LYPD6B: variants seen among roughly 807,000 people sequenced by gnomAD.
LYPD6B encodes the protein ly6/PLAUR domain-containing protein 6B.
LYPD6B carries 17 observed loss-of-function variants against 22.8 expected under a neutral mutation model. The observed-to-expected ratio is 0.75, with a 90% confidence interval of 0.51 to 1.12. LYPD6B has a LOEUF of 1.12. Ranked by LOEUF, LYPD6B falls within the 50% of genes most tolerant of loss-of-function variation. The pLI, the probability that LYPD6B is intolerant of heterozygous loss-of-function variation, is 0.00. For synonymous variants in LYPD6B, 106 were observed against 91.6 expected (o/e 1.16, Z -0.90); for missense variants, 221 against 258.3 (o/e 0.86, Z 0.99).
chr2:149,159,261 T>C lies in LYPD6B; in HGVS notation c.6-1503T>C, dbSNP rs928495484. 3.9e-5 allele frequency among the ~76,000 whole-genome samples: 6 copies of C among 152,136 alleles called. 1 individual carries two copies. Among genetic ancestry groups the C allele is most frequent in the Admixed American group, 6.5e-5 (1 of 15,272 alleles). ...GGAAGGTTAACACCTTGGAAGAAAT[T>C]TCTCAATGACACAAAGCTAACACTC... On this transcript the variant is annotated intron_variant, in intron 2 of 6. Transcript: ENST00000409642.
intron 2 of LYPD6B, chr2:149,143,914 G>A (rs1688851223): frequency 6.6e-6 from 1 of 152,204 alleles, no homozygotes; most frequent in Non-Finnish European, 1.5e-5. Context: ...GTTTTTCTAA[G>A]TCTCTCAAGC....
At chr2:149,135,982 G>A (rs1411350142) in intron 2 of LYPD6B, among the ~76,000 whole-genome samples, 3 of 151,914 alleles carry the variant, frequency 2.0e-5, no homozygotes, top group East Asian at 1.9e-4. Context: ...CATAGTCATC[G>A]CTACCTGCTA....
intron 1 of LYPD6B, among the ~76,000 whole-genome samples, chr2:149,073,557 T>C (rs974327542): frequency 6.6e-6 from 1 of 152,096 alleles, no homozygotes; most frequent in African/African-American, 2.4e-5. Flanking sequence ...TGCAGCTGTT[T>C]GGGGCTCTGT....
At chr2:149,163,419 G>A (rs1431631903) in intron 3 of LYPD6B, among the ~76,000 whole-genome samples, 1 of 152,124 alleles carries the variant, frequency 6.6e-6, no homozygotes, top group African/African-American at 2.4e-5. Flanking sequence ...AAAATAGATA[G>A]TACAAGGTAT....
intron 2 of LYPD6B, 142 bp downstream of exon 2, chr2:149,131,095 C>T: frequency 1.6e-6 from 1 of 627,542 alleles, no homozygotes; most frequent in Admixed American, 2.7e-5. Context: ...GATTATGCTG[C>T]TTGTTCATTG....
intron 5 of LYPD6B, among the ~76,000 whole-genome samples, chr2:149,209,582 G>C (rs1693714605): frequency 6.6e-6 from 1 of 152,086 alleles, no homozygotes; most frequent in African/African-American, 2.4e-5. Flanking sequence ...GAATCTTTTG[G>C]AAATTCCAGT....
chr2:149,141,403 G>A (rs1052100443), intron 2 of LYPD6B, among the ~76,000 whole-genome samples: 2 of 152,060 alleles, frequency 1.3e-5, no homozygotes, highest in Non-Finnish European at 2.9e-5. Context: ...TGTATTTTTT[G>A]TATATTTTCT....
intron 1 of LYPD6B, among the ~76,000 whole-genome samples, chr2:149,077,871 C>T (rs1306668857): frequency 6.6e-6 from 1 of 152,194 alleles, no homozygotes; most frequent in Non-Finnish European, 1.5e-5. Flanking sequence ...TGAAAGTGAT[C>T]TGATGTCATT....
At chr2:149,179,446 T>C (rs1234786009) in intron 3 of LYPD6B, among the ~76,000 whole-genome samples, 1 of 152,144 alleles carries the variant, frequency 6.6e-6, no homozygotes, top group Non-Finnish European at 1.5e-5. Flanking sequence ...TTTAAGGAGA[T>C]TTTATATTCC....
At chr2:149,049,714 G>T (rs952278626) in intron 1 of LYPD6B, among the ~76,000 whole-genome samples, 5 of 152,182 alleles carry the variant, frequency 3.3e-5, no homozygotes, top group South Asian at 4.1e-4. Context: ...GACATGCAAG[G>T]TGAGTGTCAA....
At chr2:149,122,201 G>T (rs528942958) in intron 1 of LYPD6B, among the ~76,000 whole-genome samples, 1 of 152,134 alleles carries the variant, frequency 6.6e-6, no homozygotes, top group South Asian at 2.1e-4. Flanking sequence ...GGGAGCTCCC[G>T]AAAGAGCACT....
chr2:149,042,211 T>G (rs1014171319), intron 1 of LYPD6B, among the ~76,000 whole-genome samples: 2 of 152,238 alleles, frequency 1.3e-5, no homozygotes, highest in African/African-American at 4.8e-5. Context: ...AGCGATAACT[T>G]TGGTAGTTGC....
At chr2:149,182,620 A>G (rs1691820304) in intron 3 of LYPD6B, among the ~76,000 whole-genome samples, 1 of 152,226 alleles carries the variant, frequency 6.6e-6, no homozygotes, top group Non-Finnish European at 1.5e-5. Flanking sequence ...ACTGGTTAGA[A>G]TGAGTCCAGC....
chr2:149,115,356 T>C (rs1686951707), intron 1 of LYPD6B, among the ~76,000 whole-genome samples: 1 of 152,244 alleles, frequency 6.6e-6, no homozygotes, highest in Admixed American at 6.5e-5. Context: ...CTTATTGGAA[T>C]GTTTTCATGG....
intron 1 of LYPD6B, among the ~76,000 whole-genome samples, chr2:149,075,158 G>A (rs1165728469): frequency 6.6e-6 from 1 of 152,144 alleles, no homozygotes; most frequent in Admixed American, 6.5e-5. Flanking sequence ...TTAACTTTAT[G>A]CTTTTGATTT....
intron 3 of LYPD6B, among the ~76,000 whole-genome samples, 196 bp downstream of exon 3, chr2:149,161,031 A>G (rs1690031939): frequency 6.6e-6 from 1 of 152,164 alleles, no homozygotes; most frequent in South Asian, 2.1e-4. Context: ...TGCTTAAGTT[A>G]CAATTCTGGT....
intron 1 of LYPD6B, among the ~76,000 whole-genome samples, chr2:149,126,067 C>A (rs1687679677): frequency 6.6e-6 from 1 of 152,166 alleles, no homozygotes; most frequent in African/African-American, 2.4e-5. Context: ...TGCTTAAACT[C>A]TTCATAATTA....
At chr2:149,129,639 A>G (rs904989525) in intron 1 of LYPD6B, among the ~76,000 whole-genome samples, 8 of 152,194 alleles carry the variant, frequency 5.3e-5, no homozygotes, top group African/African-American at 1.9e-4. Flanking sequence ...GGAAGTGGTG[A>G]GGAGTTCTAA....
chr2:149,101,723 G>A (rs1686220577), intron 1 of LYPD6B: 1 of 152,252 alleles, frequency 6.6e-6, no homozygotes, highest in African/African-American at 2.4e-5. Flanking sequence ...ATATGGGCTA[G>A]TGGGGCCCTG....
Sources: gnomAD v4.1 joint callset for allele counts (sites outside exome capture counted in the v4.1 genomes callset) on GRCh38, gnomAD v4.1.1 for gene constraint, MANE v1.5 for transcripts, NCBI Gene and HGNC (gene_info 2026-07-23, HGNC 2026-07-21) for gene names.